Variants in HMGA2 observed in about 807,000 individuals in gnomAD.
HMGA2 encodes high mobility group AT-hook 2.
A neutral mutation model predicts 19.1 loss-of-function variants in HMGA2; 8 were observed. The observed-to-expected ratio is 0.42, with a 90% CI of 0.25 to 0.76. The LOEUF (loss-of-function observed/expected upper bound fraction) is 0.76. HMGA2 is among the 30% of genes least tolerant of loss of function. The pLI is 0.28. For synonymous variants in HMGA2, 60 were observed against 48.8 expected, an observed-to-expected ratio of 1.23 and a Z score of -0.96; for missense variants, 109 against 136.3, an observed-to-expected ratio of 0.80 and a Z score of 1.00.
chr12:65,902,267 T>C (rs549683691), intron 3 of HMGA2, among the ~76,000 whole-genome samples: 1 of 152,180 alleles, frequency 6.6e-6, no homozygotes, highest in Non-Finnish European at 1.5e-5. Context: ...TAATTTGTCT[T>C]CCATAGATAG....
At chr12:65,891,986 C>T (rs567253512) in intron 3 of HMGA2, among the ~76,000 whole-genome samples, 135 of 152,314 alleles carry the variant, frequency 8.9e-4, no homozygotes, top group Non-Finnish European at 1.5e-3. Flanking sequence ...CCTTCCTGCT[C>T]ACTTAGTCAA....
intron 3 of HMGA2, among the ~76,000 whole-genome samples, chr12:65,889,305 C>T (rs1873805036): frequency 6.6e-6 from 1 of 152,180 alleles, no homozygotes; most frequent in South Asian, 2.1e-4. Context: ...CTTCAGCATA[C>T]CACGAGCTGC....
chr12:65,961,903 G>T (rs1476490301), intron 4 of HMGA2, among the ~76,000 whole-genome samples: 1 of 152,108 alleles, frequency 6.6e-6, no homozygotes, highest in African/African-American at 2.4e-5. Flanking sequence ...AAACACTAAT[G>T]AATGGAAGTT....
In HMGA2 at chr12:65,964,105, T is replaced by C. The variant is rs1876834845; in HGVS notation, c.*813T>C. On this transcript the variant is annotated 3_prime_UTR_variant, in exon 5 of 5. Transcript: ENST00000403681. ...TACTTCCTACAGAGCCAAAATGCCA[T>C]TTAGCAATAAATAACACTTGTCAGC... 1 of 204,106 alleles carries C rather than the reference T, an allele frequency of 4.9e-6. No individual in the cohort carries two copies. Among genetic ancestry groups the C allele is most frequent in the African/African-American group, 2.3e-5 (1 of 43,754 alleles). 12.6% of individuals were successfully genotyped at this position (204,106 alleles called of 1,614,324 possible).
chr12:65,854,202 G>A (rs912749969), intron 3 of HMGA2, among the ~76,000 whole-genome samples: 2 of 152,256 alleles, frequency 1.3e-5, no homozygotes, highest in East Asian at 1.9e-4. Flanking sequence ...CACATTTTCT[G>A]TAGATTGCTA....
chr12:65,870,243 GAAC>G (rs1295609477), intron 3 of HMGA2, among the ~76,000 whole-genome samples: 1 of 152,180 alleles, frequency 6.6e-6, no homozygotes, highest in African/African-American at 2.4e-5. Flanking sequence ...AGCACATTAT[GAAC>G]ATTGTCTTGA....
chr12:65,862,308 T>A, intron 3 of HMGA2, among the ~76,000 whole-genome samples: 1 of 113,952 alleles, frequency 8.8e-6, no homozygotes, highest in African/African-American at 3.9e-5. Flanking sequence ...CACACACACA[T>A]TCCATAACTT....
intron 3 of HMGA2, among the ~76,000 whole-genome samples, chr12:65,908,712 T>C (rs1382805975): frequency 1.3e-5 from 2 of 152,220 alleles, no homozygotes; most frequent in African/African-American, 4.8e-5. Context: ...GATGCCTATG[T>C]TTTTAACCAT....
In HMGA2 at chr12:65,919,861, G is replaced by A. The variant is rs537403692; in HGVS notation, c.250-31522G>A. 6.6e-5 allele frequency among the ~76,000 whole-genome samples: 10 copies of A among 152,264 alleles called. No homozygotes were observed. The South Asian group carries it at 2.1e-3, about 32-fold the overall frequency. On this transcript the variant is annotated intron_variant, in intron 3 of 4. Coordinates refer to ENST00000403681, the MANE Select transcript of HMGA2 (RefSeq NM_003483.6). ...TCCTGCTTTTCCTCAATCCACAAAG[G>A]ATTCAAAGCTTCTTACAAAGAACAC...
chr12:65,915,008 C>T, intron 3 of HMGA2: 2 of 1,609,896 alleles, frequency 1.2e-6, no homozygotes, highest in Middle Eastern at 1.7e-4. Flanking sequence ...ATCACTAGAT[C>T]TCTTCTGAGG....
chr12:65,839,977 A>G (rs1186581263), intron 3 of HMGA2, among the ~76,000 whole-genome samples: 1 of 152,220 alleles, frequency 6.6e-6, no homozygotes, highest in Admixed American at 6.5e-5. Flanking sequence ...GGTTGAGGGC[A>G]ATTAACACAT....
At chr12:65,882,081 T>A in intron 3 of HMGA2, 1 of 558,640 alleles carries the variant, frequency 1.8e-6, no homozygotes, top group Non-Finnish European at 3.3e-6. Flanking sequence ...CGGAGGGGAA[T>A]GAGCGTGGAA....
intron 3 of HMGA2, among the ~76,000 whole-genome samples, chr12:65,913,914 A>C (rs142109607): frequency 9.7e-4 from 147 of 152,320 alleles, no homozygotes; most frequent in Non-Finnish European, 1.3e-3. Context: ...CCTGGCACTT[A>C]TGGAGCCTAG....
At chr12:65,954,927 G>C (rs1003142590) in intron 4 of HMGA2, 7 of 152,192 alleles carry the variant, frequency 4.6e-5, no homozygotes, top group African/African-American at 1.7e-4. Flanking sequence ...AAATGAGGCT[G>C]GGTGCAGTGG....
Position 65,898,656 on chromosome 12 carries a change from T to G in HMGA2, c.250-52727T>G, listed in dbSNP as rs113809362. Among the ~76,000 whole-genome samples the G allele has an allele frequency of 4.3e-4, 65 of 152,312 alleles. 1 individual carries two copies. Among genetic ancestry groups the G allele is most frequent in the African/African-American group, 1.5e-3 (62 of 41,562 alleles). ...GTACTATAATCCTGGTGGTAGCCAC[T>G]ATACAATGAGCACCTACTATGTCCA... On this transcript the variant is annotated intron_variant, in intron 3 of 4. Coordinates refer to ENST00000403681, the MANE Select transcript of HMGA2 (RefSeq NM_003483.6).
intron 3 of HMGA2, among the ~76,000 whole-genome samples, chr12:65,849,500 TTGATTTACAAA>T: frequency 6.6e-6 from 1 of 152,336 alleles, no homozygotes; most frequent in South Asian, 2.1e-4. Context: ...AAAGTATAGT[TTGATTTACAAA>T]TCAATAAATA....
chr12:65,899,442 A>G (rs1342786722), intron 3 of HMGA2, among the ~76,000 whole-genome samples: 1 of 152,202 alleles, frequency 6.6e-6, no homozygotes, highest in Non-Finnish European at 1.5e-5. Context: ...CTGTCACAGG[A>G]CACACGCACT....
intron 3 of HMGA2, among the ~76,000 whole-genome samples, chr12:65,933,104 G>C (rs1366449900): frequency 2.0e-5 from 3 of 151,982 alleles, no homozygotes; most frequent in African/African-American, 7.3e-5. Context: ...TTTAGGGGAT[G>C]AACTGCATTC....
intron 4 of HMGA2, among the ~76,000 whole-genome samples, chr12:65,960,701 C>T (rs1592469755): frequency 6.6e-6 from 1 of 152,344 alleles, no homozygotes. Context: ...AGTGAGACTT[C>T]CACCCTCTGA....
Sources: gnomAD v4.1 joint callset for allele counts (sites outside exome capture counted in the v4.1 genomes callset) on GRCh38, gnomAD v4.1.1 for gene constraint, MANE v1.5 for transcripts, NCBI Gene and HGNC (gene_info 2026-07-23, HGNC 2026-07-21) for gene names.